WWOX: variants seen among roughly 807,000 people sequenced by gnomAD.
WWOX encodes WW domain containing oxidoreductase.
WWOX carries 69 observed loss-of-function variants against 46.2 expected under a neutral mutation model. The observed-to-expected ratio is 1.49, with a 90% CI of 1.23 to 1.82. The LOEUF (loss-of-function observed/expected upper bound fraction) is 1.82. WWOX is among the 40% of genes most tolerant of loss of function. The probability of loss-of-function intolerance (pLI) is 0.00; values close to 1 mark genes in which losing one functional copy is unlikely to be tolerated. For missense variants in WWOX, 919 were observed against 542.6 expected (o/e 1.69, Z -6.89); for synonymous variants, 359 against 202.6 (o/e 1.77, Z -6.56).
intron 8 of WWOX, among the ~76,000 whole-genome samples, chr16:78,787,348 C>G (rs976030167): frequency 6.6e-6 from 1 of 152,194 alleles, no homozygotes; most frequent in African/African-American, 2.4e-5. Context: ...CCCAGCCCCT[C>G]ATAACCACAT....
intron 8 of WWOX, among the ~76,000 whole-genome samples, chr16:78,786,674 G>C (rs4887988): frequency 0.68 from 103,700 of 151,978 alleles, 35,589 homozygotes; most frequent in East Asian, 0.74. Flanking sequence ...TTTTGTCCCC[G>C]TAAAAGTAAC....
chr16:78,101,903 C>G (rs2031819045), intron 1 of WWOX, among the ~76,000 whole-genome samples: 1 of 152,060 alleles, frequency 6.6e-6, no homozygotes, highest in South Asian at 2.1e-4. Context: ...TAGGAGCGTC[C>G]CCACGCAGTG....
intron 5 of WWOX, among the ~76,000 whole-genome samples, chr16:78,293,208 C>T (rs1396254337): frequency 6.6e-6 from 1 of 152,192 alleles, no homozygotes; most frequent in Non-Finnish European, 1.5e-5. Context: ...CACTAGTTAA[C>T]TCAGCTGCCA....
intron 8 of WWOX, among the ~76,000 whole-genome samples, chr16:78,489,923 T>G (rs1320515603): frequency 6.6e-6 from 1 of 152,116 alleles, no homozygotes; most frequent in East Asian, 1.9e-4. Context: ...ATGTTTATAT[T>G]CCACTGGGGT....
At chr16:78,607,353 C>G (rs754330061) in intron 8 of WWOX, among the ~76,000 whole-genome samples, 1 of 152,158 alleles carries the variant, frequency 6.6e-6, no homozygotes, top group Non-Finnish European at 1.5e-5. Flanking sequence ...ATTTACTTCT[C>G]TTCCCTTTTG....
chr16:78,675,416 T>C (rs531058982), intron 8 of WWOX, among the ~76,000 whole-genome samples: 13 of 152,354 alleles, frequency 8.5e-5, no homozygotes, highest in Admixed American at 1.3e-4. Flanking sequence ...TAAAGTACTT[T>C]AAATATTTAA....
At chr16:78,453,313 C>G (rs1166243611) in intron 8 of WWOX, among the ~76,000 whole-genome samples, 1 of 151,422 alleles carries the variant, frequency 6.6e-6, no homozygotes, top group East Asian at 2.0e-4. Context: ...ATCCCAGCTG[C>G]TTGGGAGGCT....
chr16:78,841,457 G>A (rs567173465), intron 8 of WWOX, among the ~76,000 whole-genome samples: 2 of 152,282 alleles, frequency 1.3e-5, no homozygotes, highest in African/African-American at 4.8e-5. Flanking sequence ...GAAACTGACC[G>A]TGGTGAGAAT....
intron 8 of WWOX, among the ~76,000 whole-genome samples, chr16:79,083,946 A>G (rs757478087): frequency 8.5e-5 from 13 of 152,288 alleles, no homozygotes; most frequent in South Asian, 4.1e-4. Flanking sequence ...TTGCATTTTC[A>G]TAGAAAGAAT....
intron 8 of WWOX, chr16:79,202,751 G>A (rs2051384969): frequency 6.6e-6 from 1 of 152,196 alleles, no homozygotes; most frequent in Admixed American, 6.5e-5. Flanking sequence ...TAGAATAGCA[G>A]CATGCATAGC....
In WWOX at chr16:79,026,665, T is replaced by A. The variant is rs993857192; in HGVS notation, c.1057-184943T>A. ...TGGAGTCTCCCTCTGTCGCCTAGGC[T>A]GCAGTGCAGTGGCGCGATCTCAGCT... On this transcript the variant is annotated intron_variant, in intron 8 of 8. Transcript: ENST00000566780. 1.4e-5 allele frequency among the ~76,000 whole-genome samples: 2 copies of A among 139,376 alleles called. 1 individual carries two copies. The highest frequency in any genetic ancestry group is 5.5e-5 in the African/African-American group (2 of 36,166). The allele number at this position is 139,376 out of a possible 152,430, so 91.4% of individuals were successfully genotyped here.
intron 5 of WWOX, among the ~76,000 whole-genome samples, chr16:78,316,535 G>A (rs1194984081): frequency 1.3e-5 from 2 of 152,082 alleles, no homozygotes; most frequent in African/African-American, 4.8e-5. Context: ...TAGAGATGTG[G>A]TTTTGCGGTG....
At chr16:78,232,980 T>A (rs1040576162) in intron 5 of WWOX, among the ~76,000 whole-genome samples, 2 of 152,228 alleles carry the variant, frequency 1.3e-5, no homozygotes, top group African/African-American at 4.8e-5. Context: ...TTGCTGGGAC[T>A]ACAGGCGTGC....
At chr16:78,677,238 G>A (rs150774256) in intron 8 of WWOX, among the ~76,000 whole-genome samples, 1,685 of 152,208 alleles carry the variant, frequency 0.011, 22 homozygotes, top group Middle Eastern at 0.041. Context: ...CGGCCTCAGG[G>A]TATAGGGGTC....
intron 8 of WWOX, among the ~76,000 whole-genome samples, chr16:78,837,319 G>A (rs916506229): frequency 3.3e-5 from 5 of 152,144 alleles, no homozygotes; most frequent in African/African-American, 9.7e-5. Flanking sequence ...AGAAGTGAAC[G>A]AGGCAGTGAC....
At chr16:79,176,088 CT>C (rs1368192037) in intron 8 of WWOX, among the ~76,000 whole-genome samples, 1 of 152,156 alleles carries the variant, frequency 6.6e-6, no homozygotes, top group African/African-American at 2.4e-5. Context: ...GAAGTGACCC[CT>C]ATATGGATTG....
chr16:78,915,387 T>G (rs1383274874), intron 8 of WWOX, among the ~76,000 whole-genome samples: 1 of 152,148 alleles, frequency 6.6e-6, no homozygotes, highest in Non-Finnish European at 1.5e-5. Flanking sequence ...GATTTTTCCA[T>G]CTAAATAGCT....
intron 8 of WWOX, among the ~76,000 whole-genome samples, chr16:79,136,502 T>A (rs930541121): frequency 9.2e-5 from 14 of 152,138 alleles, no homozygotes; most frequent in African/African-American, 3.4e-4. Flanking sequence ...GTGCTGGGAT[T>A]ACAGGCGTGA....
Position 78,965,019 on chromosome 16 carries a change from C to T in WWOX, c.1057-246589C>T, listed in dbSNP as rs79050034. ...CTAGTTTTCAGAAAATATATGGAAA[C>T]ACCTGGATGCCCCAGCAAAAGTTTG... On this transcript the variant is annotated intron_variant, in intron 8 of 8. Transcript: ENST00000566780. Among the ~76,000 whole-genome samples, 7 of 152,336 alleles carry T rather than the reference C, an allele frequency of 4.6e-5. No homozygotes were observed. The East Asian group carries it at 1.4e-3, about 30-fold the overall frequency.
Sources: gnomAD v4.1 joint callset for allele counts (sites outside exome capture counted in the v4.1 genomes callset) on GRCh38, gnomAD v4.1.1 for gene constraint, MANE v1.5 for transcripts, NCBI Gene and HGNC (gene_info 2026-07-23, HGNC 2026-07-21) for gene names.